The following SAMHD1 variants were observed in gnomAD, a reference collection of about 807,000 sequenced individuals.
SAMHD1 encodes SAM and HD domain containing deoxynucleoside triphosphate triphosphohydrolase 1, also known as deoxynucleoside triphosphate triphosphohydrolase SAMHD1.
Under a neutral mutation model 79.6 loss-of-function variants are expected in SAMHD1, and 54 were observed. That is an observed-to-expected ratio of 0.68 (90% CI 0.55 to 0.85). SAMHD1 has a LOEUF of 0.85. SAMHD1 is among the 40% of genes least tolerant of loss of function. The probability of loss-of-function intolerance (pLI) is 0.00; values close to 1 mark genes in which losing one functional copy is unlikely to be tolerated. For missense variants in SAMHD1, 663 were observed against 782.7 expected (o/e 0.85, Z 1.82); for synonymous variants, 260 against 264.1 (o/e 0.98, Z 0.15).
chr20:36,949,755 C>CAAAAAAAAAAAAA (rs34682795), intron 1 of SAMHD1, among the ~76,000 whole-genome samples: 1 of 69,800 alleles, frequency 1.4e-5, no homozygotes, highest in Non-Finnish European at 2.5e-5. Context: ...GACTCTGTCT[C>CAAAAAAAAAAAAA]AAAAAAAAAA....
At chr20:36,913,306 C>A (rs1601126737) in intron 9 of SAMHD1, among the ~76,000 whole-genome samples, 2 of 150,708 alleles carry the variant, frequency 1.3e-5, no homozygotes, top group East Asian at 4.1e-4. Flanking sequence ...CAAGAACTTT[C>A]ATTCTTAATA....
At position 36,904,184 on chromosome 20, in the gene SAMHD1, T is replaced by C; in HGVS notation, c.1476A>G (p.Lys492=). 3 of 1,613,482 alleles carry C rather than the reference T, an allele frequency of 1.9e-6. No individual in the cohort carries two copies. The East Asian group carries it at 6.7e-5, about 36-fold the overall frequency. Residue 492 remains lysine (K), a synonymous_variant, in exon 13 of 16, where the codon AAA becomes AAG. Coordinates refer to ENST00000646673, the MANE Select transcript of SAMHD1 (RefSeq NM_015474.4). The part of the protein sequence containing the change: ...SAKPKVLLDV[K]LKAEDFIVDV... The stretch of plus-strand genomic sequence containing the variant: ...CCACTATAAAATCTTCAGCCTTCAG[T>C]TTCACGTCTAGCAATACTTTGGGTT...
intron 7 of SAMHD1, among the ~76,000 whole-genome samples, chr20:36,917,899 T>A (rs552590316): frequency 1.8e-4 from 27 of 152,038 alleles, no homozygotes; most frequent in Non-Finnish European, 3.5e-4. Context: ...CAGGGGGAAA[T>A]TATTTCCCAA....
intron 6 of SAMHD1, 121 bp from the exon 7 acceptor site, chr20:36,919,640 C>G: frequency 2.2e-6 from 2 of 897,876 alleles, no homozygotes; most frequent in Non-Finnish European, 3.5e-6. Context: ...TATTAATTCT[C>G]TAGTTTCTAA....
chr20:36,944,343 C>G (rs2063670287), intron 2 of SAMHD1, among the ~76,000 whole-genome samples: 1 of 150,620 alleles, frequency 6.6e-6, no homozygotes, highest in African/African-American at 2.4e-5. Flanking sequence ...AAAGAAAGGG[C>G]TAAGATGAGG....
At chr20:36,934,929 A>G in intron 4 of SAMHD1, 100 bp downstream of exon 4, 1 of 1,281,470 alleles carries the variant, frequency 7.8e-7, no homozygotes, top group Non-Finnish European at 1.1e-6. Context: ...AAGTGCTGGG[A>G]TTATAGGTGT....
intron 6 of SAMHD1, among the ~76,000 whole-genome samples, chr20:36,920,654 T>G (rs774869800): frequency 1.3e-5 from 2 of 151,870 alleles, no homozygotes; most frequent in Admixed American, 6.6e-5. Flanking sequence ...TCCCAGCTAC[T>G]TGGGGGACTG....
intron 14 of SAMHD1, among the ~76,000 whole-genome samples, 183 bp downstream of exon 14, chr20:36,898,257 G>A (rs1207070963): frequency 2.6e-5 from 4 of 152,030 alleles, no homozygotes; most frequent in East Asian, 1.9e-4. Flanking sequence ...TAAGCTCTTC[G>A]TCTCAAGTGA....
chr20:36,902,925 G>C (rs1378708229), intron 13 of SAMHD1, among the ~76,000 whole-genome samples: 2 of 152,000 alleles, frequency 1.3e-5, no homozygotes, highest in Non-Finnish European at 2.9e-5. Context: ...TTTTAGTAGA[G>C]ATGGGGTTTC....
At chr20:36,910,997 G>GGA (rs2063435731) in intron 11 of SAMHD1, among the ~76,000 whole-genome samples, 1 of 152,124 alleles carries the variant, frequency 6.6e-6, no homozygotes, top group African/African-American at 2.4e-5. Flanking sequence ...GGTCACACCT[G>GGA]TAATCCTAGC....
intron 2 of SAMHD1, among the ~76,000 whole-genome samples, chr20:36,944,077 C>A (rs1477848912): frequency 1.5e-3 from 139 of 89,914 alleles, no homozygotes; most frequent in South Asian, 2.4e-3. Context: ...GACTCCATCT[C>A]AAAAAAAAAA....
In SAMHD1 at chr20:36,893,722, C is replaced by T. The variant is rs188422027; in HGVS notation, c.1747-656G>A. 9.5e-4 allele frequency: 373 copies of T among 394,174 alleles called. 1 individual carries two copies. Among genetic ancestry groups the T allele is most frequent in the African/African-American group, 6.7e-3 (324 of 48,518 alleles). 24.4% of individuals were successfully genotyped at this position (394,174 alleles called of 1,614,324 possible). A position where few individuals can be genotyped will look rare whatever the true frequency, so the allele number is the denominator to read the frequency against. ...TCTTCTTTGGTTACAAGATGATGCA[C>T]GATCTTGGAGAGCCTCTGTTGTACC... On this transcript the variant is annotated intron_variant, in intron 15 of 15. Coordinates refer to ENST00000646673, the MANE Select transcript of SAMHD1 (RefSeq NM_015474.4).
intron 13 of SAMHD1, chr20:36,903,955 G>C: frequency 1.8e-6 from 1 of 542,240 alleles, no homozygotes; most frequent in Non-Finnish European, 3.3e-6. Flanking sequence ...GTAATCACAT[G>C]ACCACAATTA....
At chr20:36,937,252 G>A (rs1236714677) in intron 3 of SAMHD1, among the ~76,000 whole-genome samples, 1 of 151,852 alleles carries the variant, frequency 6.6e-6, no homozygotes, top group Non-Finnish European at 1.5e-5. Context: ...GAGGCCAACT[G>A]AACTAAATTT....
At chr20:36,924,710 T>C (rs1161718861) in intron 6 of SAMHD1, among the ~76,000 whole-genome samples, 2 of 152,164 alleles carry the variant, frequency 1.3e-5, no homozygotes, top group African/African-American at 2.4e-5. Flanking sequence ...GGGCTCATAT[T>C]TCTCAGATAA....
At chr20:36,950,147 G>A (rs997658404) in intron 1 of SAMHD1, among the ~76,000 whole-genome samples, 3 of 152,048 alleles carry the variant, frequency 2.0e-5, no homozygotes, top group Non-Finnish European at 4.4e-5. Context: ...TAGGTTGTAG[G>A]TTTAAGGAAC....
At chr20:36,893,776 T>C (rs185651627) in intron 15 of SAMHD1, 2 of 397,260 alleles carry the variant, frequency 5.0e-6, no homozygotes, top group African/African-American at 4.1e-5. Context: ...GGAGGATTCG[T>C]GCTCCTCATC....
At chr20:36,914,357 C>CTTT (rs34614830) in intron 9 of SAMHD1, among the ~76,000 whole-genome samples, 1 of 147,634 alleles carries the variant, frequency 6.8e-6, no homozygotes, top group Non-Finnish European at 1.5e-5. Context: ...TTCTTTCTTT[C>CTTT]TTTTTTTTTT....
At chr20:36,911,618 A>G (rs1434231516) in intron 10 of SAMHD1, 1 of 305,360 alleles carries the variant, frequency 3.3e-6, no homozygotes, top group East Asian at 7.0e-5. Context: ...GCAGAAATGA[A>G]GTAAATTTTG....
Sources: allele counts gnomAD v4.1 joint callset (sites outside exome capture counted in the v4.1 genomes callset), GRCh38; gene constraint gnomAD v4.1.1; transcripts MANE v1.5; gene names NCBI Gene and HGNC (gene_info 2026-07-23, HGNC 2026-07-21).